DUSP18: variants seen among roughly 807,000 people sequenced by gnomAD.
The protein encoded by DUSP18 is dual specificity protein phosphatase 18.
In DUSP18, 4 loss-of-function variants were observed where a neutral mutation model predicts 6.3. The ratio of observed to expected loss-of-function variants is 0.63; its 90% confidence interval spans 0.31 to 1.45. The LOEUF (loss-of-function observed/expected upper bound fraction) is 1.45, where lower values mean the gene tolerates loss of function less well. DUSP18 is among the 40% of genes most tolerant of loss of function. DUSP18 has a pLI of 0.07. For missense variants in DUSP18, 235 were observed against 247.7 expected (o/e 0.95, Z 0.34); for synonymous variants, 96 against 95.1 (o/e 1.01, Z -0.05).
intron 1 of DUSP18, chr22:30,664,819 T>A (rs1427586342): frequency 6.6e-6 from 1 of 152,588 alleles, no homozygotes; most frequent in Non-Finnish European, 1.5e-5. Flanking sequence ...GAAGCCAGCA[T>A]AATGGGCACC....
Position 30,664,035 on chromosome 22 carries a change from G to A in DUSP18, c.-32C>T, listed in dbSNP as rs775755708. ...GGTGGGTCAGTGGTCAGCAGTCAGC[G>A]AAGCACGAAGGCTGCGTCTTTCTGC... On this transcript the variant is annotated 5_prime_UTR_variant, in exon 2 of 2. Transcript: ENST00000334679. 32 of 1,581,140 alleles carry A rather than the reference G, an allele frequency of 2.0e-5. No individual in the cohort carries two copies. In the East Asian group the frequency reaches 2.0e-4, roughly 10 times the overall value.
Position 30,664,017 on chromosome 22 carries a change from C to A in DUSP18, c.-14G>T. 1 of 1,602,910 alleles carries A rather than the reference C, an allele frequency of 6.2e-7. No individual in the cohort carries two copies. Among genetic ancestry groups the A allele is most frequent in the South Asian group, 1.1e-5 (1 of 90,300 alleles). On this transcript the variant is annotated 5_prime_UTR_variant, in exon 2 of 2. Coordinates refer to ENST00000334679, the MANE Select transcript of DUSP18 (RefSeq NM_152511.5). ...GGGTGCTGTCATCAAGGCGGTGGGT[C>A]AGTGGTCAGCAGTCAGCGAAGCACG...
rs145095975 is a variant in DUSP18, at chr22:30,663,987, C to A, written c.17G>T (p.Cys6Phe). The A allele has an allele frequency of 2.5e-6, 4 of 1,613,022 alleles. No homozygotes were observed. Among genetic ancestry groups the A allele is most frequent in the Non-Finnish European group, 3.4e-6 (4 of 1,179,168 alleles). ...CTGCCGGAACTGAACTGGGAAGGCA[C>A]ACGAGGGTGCTGTCATCAAGGCGGT... The part of the protein sequence containing the change: MTAPS[C>F]AFPVQFRQPS... Residue 6 changes from cysteine (C) to phenylalanine (F), a missense_variant, in exon 2 of 2, where the codon TGT (cysteine) becomes TTT (phenylalanine). Coordinates refer to ENST00000334679, the MANE Select transcript of DUSP18 (RefSeq NM_152511.5).
intron 2 of DUSP18, chr22:30,654,515 T>G: frequency 2.3e-6 from 1 of 428,726 alleles, no homozygotes; most frequent in Non-Finnish European, 4.6e-6. Context: ...GAGGCGGTCT[T>G]GGGCGGCCTG....
chr22:30,657,328 G>A (rs1186131820), downstream of DUSP18, among the ~76,000 whole-genome samples: 4 of 151,244 alleles, frequency 2.6e-5, no homozygotes, highest in South Asian at 2.1e-4. Flanking sequence ...GCGTGGGGGC[G>A]GGCACCTGTA....
chr22:30,663,135 C>T lies in DUSP18; in HGVS notation c.*302G>A. ...GTTTTTGGGGAGGGCTGCAGGATTCCAGGCCTGCCATGTGCAATGGGTGCT... is the reference window on the plus strand; with the variant it reads ...GTTTTTGGGGAGGGCTGCAGGATTCTAGGCCTGCCATGTGCAATGGGTGCT... On this transcript the variant is annotated 3_prime_UTR_variant, in exon 2 of 2. Coordinates refer to ENST00000334679, the MANE Select transcript of DUSP18 (RefSeq NM_152511.5). 1 of 303,400 alleles carries T rather than the reference C, an allele frequency of 3.3e-6. No homozygotes were observed. The highest frequency in any genetic ancestry group is 6.1e-6 in the Non-Finnish European group (1 of 163,332). The allele number at this position is 303,400 out of a possible 1,614,324, so 18.8% of individuals were successfully genotyped here. A position where few individuals can be genotyped will look rare whatever the true frequency, so the allele number is the denominator to read the frequency against.
downstream of DUSP18, among the ~76,000 whole-genome samples, chr22:30,656,738 G>T (rs747653549): frequency 2.6e-4 from 40 of 152,166 alleles, no homozygotes; most frequent in Non-Finnish European, 4.7e-4. Context: ...CCTCTCAAAA[G>T]CCCTCAACCT....
chr22:30,665,789 G>C (rs756421027), intron 1 of DUSP18, among the ~76,000 whole-genome samples: 21 of 152,308 alleles, frequency 1.4e-4, no homozygotes, highest in Non-Finnish European at 2.5e-4. Context: ...ACCAACTAGT[G>C]CCAAGCGCTG....
At chr22:30,658,398 T>G (rs573140604), downstream of DUSP18, among the ~76,000 whole-genome samples, 28 of 151,746 alleles carry the variant, frequency 1.8e-4, no homozygotes, top group East Asian at 2.3e-3. Flanking sequence ...TTTTTTTTTT[T>G]GGGGGTAGCA....
chr22:30,653,833 A>T (rs2088275825), intron 2 of DUSP18: 1 of 152,304 alleles, frequency 6.6e-6, no homozygotes, highest in Non-Finnish European at 1.5e-5. Context: ...TTATTTATTT[A>T]CATATTTATT....
In DUSP18 at chr22:30,655,865, T is replaced by G. The variant is rs139252628; in HGVS notation, c.*34-3568A>C. Among the ~76,000 whole-genome samples the G allele has an allele frequency of 4.9e-3, 749 of 152,114 alleles. 7 individuals carry two copies. Among genetic ancestry groups the G allele is most frequent in the African/African-American group, 0.016 (685 of 41,522 alleles). On this transcript the variant is annotated intron_variant, in intron 2 of 2. Transcript: ENST00000404885. ...GGATGAGAATCCACACCTCTTAACA[T>G]TCCTCCCAAGCTCCTTCTTAGGTGA...
downstream of DUSP18, among the ~76,000 whole-genome samples, chr22:30,658,386 ATTTT>A (rs1323084041): frequency 1.4e-5 from 2 of 147,542 alleles, no homozygotes; most frequent in Non-Finnish European, 3.0e-5. Flanking sequence ...AAAAAAAAAA[ATTTT>A]TTTTTTTTGG....
intron 1 of DUSP18, among the ~76,000 whole-genome samples, chr22:30,666,644 A>AAAAAAAAC: frequency 1.3e-5 from 2 of 151,204 alleles, no homozygotes; most frequent in African/African-American, 4.9e-5. Context: ...AAAAAAAAAA[A>AAAAAAAAC]AAGCAATCTC....
At chr22:30,653,224 C>G (rs2088258643) in intron 2 of DUSP18, among the ~76,000 whole-genome samples, 1 of 152,184 alleles carries the variant, frequency 6.6e-6, no homozygotes, top group African/African-American at 2.4e-5. Flanking sequence ...CCTGGATGTT[C>G]TGACGTTTCC....
At position 30,667,451 on chromosome 22, in the gene DUSP18, C is replaced by CA. The variant is rs1167299992; in HGVS notation, c.-78+10dup. ...TTCGCCTGCTTAGTGTCAGGACCCC[C>CA]AGGGTTTTACCTCTCTCCTTCAGGC... is the stretch of plus-strand genomic sequence containing the variant. On this transcript the variant is annotated intron_variant, in intron 1 of 1. Transcript: ENST00000334679. 6.6e-6 allele frequency: 1 copy of CA among 152,222 alleles called. No homozygotes were observed. Among genetic ancestry groups the CA allele is most frequent in the South Asian group, 2.1e-4 (1 of 4,836 alleles). The allele number at this position is 152,222 out of a possible 1,614,324, so 9.4% of individuals were successfully genotyped here.
At chr22:30,654,443 G>A (rs1210764520) in intron 2 of DUSP18, 21 of 442,648 alleles carry the variant, frequency 4.7e-5, no homozygotes, top group South Asian at 3.4e-4. Flanking sequence ...ACAACCTGGA[G>A]GGCAGCAGGA....
At chr22:30,655,913 G>A (rs572529109) in intron 2 of DUSP18, among the ~76,000 whole-genome samples, 1 of 151,720 alleles carries the variant, frequency 6.6e-6, no homozygotes, top group South Asian at 2.1e-4. Context: ...ATCCAGAGGT[G>A]GAAAGTAATG....
chr22:30,661,155 A>G (rs1410833195), downstream of DUSP18, among the ~76,000 whole-genome samples: 1 of 152,034 alleles, frequency 6.6e-6, no homozygotes, highest in Admixed American at 6.6e-5. Flanking sequence ...TTGTATTTCT[A>G]TATACTAATA....
In DUSP18 at chr22:30,663,273, G is replaced by A; in HGVS notation, c.*164C>T. ...CAATTAGTTTAATCTTAAAAAAAAT[G>A]GATTATAAAGTTAAAAGCTACAGCA... On this transcript the variant is annotated 3_prime_UTR_variant, in exon 2 of 2. Coordinates refer to ENST00000334679, the MANE Select transcript of DUSP18 (RefSeq NM_152511.5). 5 of 710,250 alleles carry A rather than the reference G, an allele frequency of 7.0e-6. No individual in the cohort carries two copies. In the South Asian group the frequency reaches 8.4e-5, roughly 12 times the overall value. 44.0% of individuals were successfully genotyped at this position (710,250 alleles called of 1,614,324 possible).
Sources: allele counts gnomAD v4.1 joint callset (sites outside exome capture counted in the v4.1 genomes callset), GRCh38; gene constraint gnomAD v4.1.1; transcripts MANE v1.5; gene names NCBI Gene and HGNC (gene_info 2026-07-23, HGNC 2026-07-21).